TNRC18: variants seen among roughly 807,000 people sequenced by gnomAD.
The protein encoded by TNRC18 is trinucleotide repeat containing 18, also known as trinucleotide repeat-containing gene 18 protein.
A neutral mutation model predicts 226.7 loss-of-function variants in TNRC18; 69 were observed. The observed-to-expected ratio is 0.30, with a 90% CI of 0.25 to 0.37. The LOEUF (loss-of-function observed/expected upper bound fraction) is 0.37, where lower values mean the gene tolerates loss of function less well. TNRC18 is among the 10% of genes least tolerant of loss of function. The pLI, the probability that TNRC18 is intolerant of heterozygous loss-of-function variation, is 1.00. For synonymous variants in TNRC18, 2,449 were observed against 1,927.6 expected (o/e 1.27, Z -7.09); for missense variants, 4,754 against 4,256.6 (o/e 1.12, Z -3.25).
At position 5,371,024 on chromosome 7, in the gene TNRC18, G is replaced by A. The variant is rs1255593635; in HGVS notation, c.3570C>T (p.Pro1190=). The change falls in exon 11 of 30, where the codon CCC becomes CCT. Residue 1190 remains proline, a synonymous_variant. Transcript: ENST00000430969. Reference sequence around the variant, plus strand: ...CACCTCCACAACCCCCTGCAGGGCTGGGGGTAGCCATGGCTTCCGCGGCGG... The same window carrying A: ...CACCTCCACAACCCCCTGCAGGGCTAGGGGTAGCCATGGCTTCCGCGGCGG... ...PLPAAEAMAT[P]SPAGGCGGGL... 1.9e-6 allele frequency: 3 copies of A among 1,609,118 alleles called. No individual in the cohort carries two copies. Among genetic ancestry groups the A allele is most frequent in the African/African-American group, 1.3e-5 (1 of 74,936 alleles).
At chr7:5,391,033 A>G (rs1780259171) in intron 3 of TNRC18, among the ~76,000 whole-genome samples, 1 of 152,214 alleles carries the variant, frequency 6.6e-6, no homozygotes, top group Non-Finnish European at 1.5e-5. Context: ...CCAAGACGAT[A>G]CAGCAGAGCT....
chr7:5,391,997 G>C (rs1459016738), intron 3 of TNRC18, among the ~76,000 whole-genome samples: 1 of 151,812 alleles, frequency 6.6e-6, no homozygotes, highest in Non-Finnish European at 1.5e-5. Context: ...GATCTCTCAG[G>C]GACTCAGGTA....
intron 2 of TNRC18, among the ~76,000 whole-genome samples, chr7:5,414,476 G>A (rs1037079009): frequency 2.0e-5 from 3 of 151,378 alleles, no homozygotes; most frequent in East Asian, 1.9e-4. Flanking sequence ...GCAATGGCGC[G>A]ATCTCGGCTC....
chr7:5,351,936 G>A lies in TNRC18; in HGVS notation c.5353C>T (p.Pro1785Ser), dbSNP rs759589013. 1 of 1,613,798 alleles carries A rather than the reference G, an allele frequency of 6.2e-7. No homozygotes were observed. Residue 1785 changes from proline (P) to serine (S), a missense_variant, in exon 17 of 30, where the codon CCC becomes TCC. Pro to Ser is a moderately conservative substitution (Grantham distance 74). Coordinates refer to ENST00000430969, the MANE Select transcript of TNRC18 (RefSeq NM_001080495.3). ...GCCGGCTTGGGTTTCAGAGTCCGGG[G>A]GGCCGCCAGGCCCCTCTTGGTCAGC... Reference protein sequence around the residue: ...PKLTKRGLAAPRTLKPKPATS... With the variant: ...PKLTKRGLAASRTLKPKPATS...
chr7:5,358,935 TAAG>T (rs1416779879), intron 15 of TNRC18, among the ~76,000 whole-genome samples: 3 of 152,172 alleles, frequency 2.0e-5, no homozygotes, highest in African/African-American at 2.4e-5. Flanking sequence ...TCTGAAGAAA[TAAG>T]AAGAATCAAG....
chr7:5,328,037 C>T (rs553929605), intron 19 of TNRC18, among the ~76,000 whole-genome samples: 1 of 151,998 alleles, frequency 6.6e-6, no homozygotes, highest in South Asian at 2.1e-4. Flanking sequence ...GCCCAGCCAA[C>T]ATGGTGAAAC....
Position 5,389,240 on chromosome 7 carries a change from G to T in TNRC18, c.584C>A (p.Pro195Gln). The T allele has an allele frequency of 7.5e-7, 1 of 1,330,580 alleles. No individual in the cohort carries two copies. The highest frequency in any genetic ancestry group is 9.6e-7 in the Non-Finnish European group (1 of 1,042,388). 82.4% of individuals were successfully genotyped at this position (1,330,580 alleles called of 1,614,324 possible). ...TPGGGHSSGA[P>Q]AKGSSSRDGP... ...GTCCCGCGACGACGAGCCTTTGGCCGGGGCGCCCGAGGAGTGGCCGCCGCC... is the reference window on the plus strand; with the variant it reads ...GTCCCGCGACGACGAGCCTTTGGCCTGGGCGCCCGAGGAGTGGCCGCCGCC... Residue 195 changes from proline to glutamine, a missense_variant, in exon 5 of 30, where the codon CCG (proline) becomes CAG (glutamine). Physicochemically the swap from Pro to Gln is moderately conservative, Grantham distance 76 (BLOSUM62 -1). Transcript: ENST00000430969.
At position 5,376,861 on chromosome 7, in the gene TNRC18, T is replaced by C. The variant is rs1415467652; in HGVS notation, c.2594A>G (p.His865Arg). Residue 865 changes from histidine to arginine, a missense_variant, in exon 8 of 30, where the codon CAC becomes CGC. His to Arg is a conservative substitution (Grantham distance 29). Transcript: ENST00000430969. ...GGTCCACTTACCAAAGTGAGGAAGG[T>C]GATCACTGGGAATGACCACCAGCTG... ...SGQLVVIPSDHLPHFAELMER... is the reference protein window; with the variant it reads ...SGQLVVIPSDRLPHFAELMER... 1.2e-5 allele frequency: 19 copies of C among 1,611,330 alleles called. No individual in the cohort carries two copies. The highest frequency in any genetic ancestry group is 1.4e-5 in the Non-Finnish European group (17 of 1,178,874).
chr7:5,422,605 T>G (rs1416638524), intron 1 of TNRC18, among the ~76,000 whole-genome samples: 1 of 152,050 alleles, frequency 6.6e-6, no homozygotes, highest in African/African-American at 2.4e-5. Flanking sequence ...AGCCACCGGC[T>G]CCCGGGTGCC....
rs11295332 is a variant in TNRC18, at chr7:5,390,358, C to CA, written c.487+126dup. The CA allele has an allele frequency of 0.011, 7,766 of 716,882 alleles. 81 individuals are homozygous for CA. The highest frequency in any genetic ancestry group is 0.06 in the African/African-American group (2,468 of 40,938). 44.4% of individuals were successfully genotyped at this position (716,882 alleles called of 1,614,324 possible). A position where few individuals can be genotyped will look rare whatever the true frequency, so the allele number is the denominator to read the frequency against. On this transcript the variant is annotated intron_variant, in intron 4 of 29. Transcript: ENST00000430969. The stretch of plus-strand genomic sequence containing the variant: ...TGGGCAACATAGTGAGACCCTGTCT[C>CA]AAAAAAAAAAAAAAAAAAAAAGCCA...
intron 18 of TNRC18, among the ~76,000 whole-genome samples, chr7:5,333,329 A>C (rs537858375): frequency 7.2e-5 from 11 of 152,164 alleles, no homozygotes; most frequent in African/African-American, 2.4e-4. Flanking sequence ...CCAAAACCCC[A>C]TGTGACTTGT....
chr7:5,307,929 C>T lies in TNRC18; in HGVS notation c.*177G>A. 1 of 624,376 alleles carries T rather than the reference C, an allele frequency of 1.6e-6. No homozygotes were observed. The highest frequency in any genetic ancestry group is 2.8e-5 in the East Asian group (1 of 36,314). 38.7% of individuals were successfully genotyped at this position (624,376 alleles called of 1,614,324 possible). On this transcript the variant is annotated 3_prime_UTR_variant, in exon 30 of 30. Transcript: ENST00000430969. ...GGCTGGAGGCATGTGCACATGCGTG[C>T]ACACACGTGCATGCACACACACTCA...
Position 5,330,426 on chromosome 7 carries a change from G to C in TNRC18, c.6147+2196C>G, listed in dbSNP as rs148754902. On this transcript the variant is annotated intron_variant, in intron 19 of 29. Coordinates refer to ENST00000430969, the MANE Select transcript of TNRC18 (RefSeq NM_001080495.3). ...TGTTTTTTTGTTGTTTTTTTTTTTT[G>C]GTAGAGGCAGGGTCTTGCTGTGTTG... 6.5e-3 allele frequency among the ~76,000 whole-genome samples: 864 copies of C among 133,260 alleles called. 7 individuals carry two copies. Among genetic ancestry groups the C allele is most frequent in the African/African-American group, 0.022 (845 of 37,972 alleles). 87.4% of individuals were successfully genotyped at this position (133,260 alleles called of 152,430 possible). A position where few individuals can be genotyped will look rare whatever the true frequency, so the allele number is the denominator to read the frequency against.
intron 21 of TNRC18, among the ~76,000 whole-genome samples, chr7:5,321,966 C>A (rs911018574): frequency 1.3e-5 from 2 of 151,806 alleles, no homozygotes; most frequent in Admixed American, 1.3e-4. Flanking sequence ...CCACCGTGCC[C>A]GGCCTCTTTC....
In TNRC18 at chr7:5,356,834, G is replaced by GC. The variant is rs912372583; in HGVS notation, c.5194+81_5194+82insG. On this transcript the variant is annotated intron_variant, in intron 16 of 29. Coordinates refer to ENST00000430969, the MANE Select transcript of TNRC18 (RefSeq NM_001080495.3). ...AGCGAGAGAGAGAGTGAGGGGCGGG[G>GC]GGGGAAGGAGGACGGTGGAGAGAAG... The GC allele has an allele frequency of 4.2e-6, 6 of 1,439,366 alleles. No homozygotes were observed. The African/African-American group carries it at 5.8e-5, about 14-fold the overall frequency. The allele number at this position is 1,439,366 out of a possible 1,614,324, so 89.2% of individuals were successfully genotyped here. A position where few individuals can be genotyped will look rare whatever the true frequency, so the allele number is the denominator to read the frequency against.
At chr7:5,358,034 GGGA>G (rs2128156412) in intron 15 of TNRC18, among the ~76,000 whole-genome samples, 1 of 152,308 alleles carries the variant, frequency 6.6e-6, no homozygotes, top group East Asian at 1.9e-4. Context: ...GCCGGATTAA[GGGA>G]GGAGGAAAGG....
intron 27 of TNRC18, among the ~76,000 whole-genome samples, chr7:5,311,484 G>A (rs1054169431): frequency 1.3e-5 from 2 of 152,234 alleles, no homozygotes; most frequent in African/African-American, 4.8e-5. Context: ...TGCCACACTA[G>A]TGGCCAGGAG....
At chr7:5,308,745 G>A (rs1786869052) in intron 29 of TNRC18, 130 bp downstream of exon 29, 2 of 976,734 alleles carry the variant, frequency 2.0e-6, no homozygotes, top group East Asian at 2.6e-5. Context: ...GAGTGGCAGG[G>A]ACAGGAGGTC....
At chr7:5,349,362 G>A (rs886513570) in intron 17 of TNRC18, among the ~76,000 whole-genome samples, 9 of 152,240 alleles carry the variant, frequency 5.9e-5, no homozygotes, top group Non-Finnish European at 1.3e-4. Flanking sequence ...GCTGGGGACA[G>A]GGAGGGGGGA....
Sources: gnomAD v4.1 joint callset for allele counts (sites outside exome capture counted in the v4.1 genomes callset) on GRCh38, gnomAD v4.1.1 for gene constraint, MANE v1.5 for transcripts, NCBI Gene and HGNC (gene_info 2026-07-23, HGNC 2026-07-21) for gene names.